The following KCNB2 variants were observed in gnomAD, a reference collection of about 807,000 sequenced individuals.
KCNB2 encodes potassium voltage-gated channel subfamily B member 2, also known as delayed rectifier potassium channel protein.
Under a neutral mutation model 61.5 loss-of-function variants are expected in KCNB2, and 15 were observed. That is an observed-to-expected ratio of 0.24 (90% CI 0.16 to 0.38). KCNB2 has a LOEUF of 0.38. KCNB2 is among the 10% of genes least tolerant of loss of function. KCNB2 has a pLI of 1.00. For synonymous variants in KCNB2, 457 were observed against 446.0 expected (o/e 1.02, Z -0.31); for missense variants, 828 against 1,125.2 (o/e 0.74, Z 3.78).
chr8:72,682,918 T>TAGG (rs1314343262), intron 2 of KCNB2, among the ~76,000 whole-genome samples: 2 of 152,206 alleles, frequency 1.3e-5, no homozygotes, highest in Non-Finnish European at 2.9e-5. Context: ...AAGGTTGAAT[T>TAGG]CTAATTGTCA....
chr8:72,865,864 C>T (rs1314275428), intron 2 of KCNB2, among the ~76,000 whole-genome samples: 1 of 152,164 alleles, frequency 6.6e-6, no homozygotes, highest in Admixed American at 6.6e-5. Context: ...TGTCCCTTTC[C>T]TTTTGGTGTT....
chr8:72,781,476 T>C (rs1244399630), intron 2 of KCNB2, among the ~76,000 whole-genome samples: 1 of 152,226 alleles, frequency 6.6e-6, no homozygotes, highest in Non-Finnish European at 1.5e-5. Flanking sequence ...TAGGGAATCC[T>C]TTCCACATTG....
intron 2 of KCNB2, among the ~76,000 whole-genome samples, chr8:72,626,315 G>C (rs1805789248): frequency 6.6e-6 from 1 of 152,200 alleles, no homozygotes; most frequent in Non-Finnish European, 1.5e-5. Flanking sequence ...GGGGGACCAG[G>C]AGCCTGTACT....
intron 2 of KCNB2, among the ~76,000 whole-genome samples, chr8:72,647,900 C>A (rs1806155405): frequency 6.6e-6 from 1 of 152,124 alleles, no homozygotes; most frequent in Non-Finnish European, 1.5e-5. Context: ...GAAAGGCACT[C>A]TGAAGGTTTG....
chr8:72,873,795 A>T (rs1263664177), intron 2 of KCNB2, among the ~76,000 whole-genome samples: 1 of 152,256 alleles, frequency 6.6e-6, no homozygotes, highest in African/African-American at 2.4e-5. Context: ...GGTAATTCAC[A>T]TCTTCTGCTA....
intron 2 of KCNB2, among the ~76,000 whole-genome samples, chr8:72,718,000 A>G (rs1391048837): frequency 2.0e-5 from 3 of 151,802 alleles, no homozygotes; most frequent in Non-Finnish European, 2.9e-5. Context: ...AAAAGTGGGC[A>G]AAGGATATGA....
chr8:72,922,742 C>G (rs1393323350), intron 2 of KCNB2, among the ~76,000 whole-genome samples: 1 of 152,144 alleles, frequency 6.6e-6, no homozygotes, highest in Non-Finnish European at 1.5e-5. Flanking sequence ...CATAAGCATT[C>G]AGACCATTAC....
intron 2 of KCNB2, among the ~76,000 whole-genome samples, chr8:72,679,347 T>C (rs1286637572): frequency 6.6e-6 from 1 of 152,216 alleles, no homozygotes; most frequent in Non-Finnish European, 1.5e-5. Flanking sequence ...CTTTCATGTT[T>C]ATTAACGGGA....
intron 2 of KCNB2, among the ~76,000 whole-genome samples, chr8:72,775,724 T>TAAA (rs59529067): frequency 2.1e-5 from 3 of 145,724 alleles, no homozygotes; most frequent in African/African-American, 5.1e-5. Flanking sequence ...GAATGAGCTT[T>TAAA]AAAAAAAAAA....
intron 2 of KCNB2, among the ~76,000 whole-genome samples, chr8:72,666,960 T>A (rs1428547868): frequency 6.6e-6 from 1 of 151,824 alleles, no homozygotes; most frequent in Non-Finnish European, 1.5e-5. Flanking sequence ...GAGCAGGATG[T>A]TCAGATTCTG....
chr8:72,803,033 A>G (rs572393183), intron 2 of KCNB2, among the ~76,000 whole-genome samples: 7 of 152,338 alleles, frequency 4.6e-5, no homozygotes, highest in African/African-American at 1.7e-4. Flanking sequence ...CGACCTAGAA[A>G]AATGATCGCC....
chr8:72,669,831 C>G lies in KCNB2; in HGVS notation c.579+101518C>G, dbSNP rs188447351. Among the ~76,000 whole-genome samples the G allele has an allele frequency of 2.0e-5, 3 of 152,226 alleles. No homozygotes were observed. The East Asian group carries it at 5.8e-4, about 29-fold the overall frequency. Reference sequence around the variant, plus strand: ...ACCTAGGACTACCCCATGCCAGCCTCGTTGCCTACTTTTTCCAGCCCTCAT... The same window carrying G: ...ACCTAGGACTACCCCATGCCAGCCTGGTTGCCTACTTTTTCCAGCCCTCAT... On this transcript the variant is annotated intron_variant, in intron 2 of 2. Transcript: ENST00000523207.
chr8:72,673,035 C>G (rs974602052), intron 2 of KCNB2, among the ~76,000 whole-genome samples: 14 of 152,194 alleles, frequency 9.2e-5, no homozygotes, highest in African/African-American at 3.1e-4. Context: ...CCAGCAATCT[C>G]ACCTCTGGGT....
intron 2 of KCNB2, among the ~76,000 whole-genome samples, chr8:72,699,787 C>T (rs73309808): frequency 1.6e-3 from 236 of 152,008 alleles, no homozygotes; most frequent in African/African-American, 3.4e-3. Flanking sequence ...CAATTTGTGG[C>T]GATTCCTCAA....
chr8:72,606,823 A>G (rs551611760), intron 2 of KCNB2, among the ~76,000 whole-genome samples: 9 of 152,316 alleles, frequency 5.9e-5, no homozygotes, highest in African/African-American at 2.2e-4. Context: ...GTAAAAGTTA[A>G]GGCAGAAAAG....
intron 2 of KCNB2, among the ~76,000 whole-genome samples, chr8:72,920,795 A>G (rs1336310900): frequency 6.6e-6 from 1 of 152,104 alleles, no homozygotes; most frequent in African/African-American, 2.4e-5. Flanking sequence ...CTTATATCCT[A>G]GGAAATATTA....
At chr8:72,847,974 A>G (rs1810027365) in intron 2 of KCNB2, among the ~76,000 whole-genome samples, 1 of 152,088 alleles carries the variant, frequency 6.6e-6, no homozygotes. Context: ...CTCCCCCTAA[A>G]CACTCATTCT....
intron 2 of KCNB2, among the ~76,000 whole-genome samples, chr8:72,885,634 A>G (rs991147154): frequency 6.6e-6 from 1 of 152,176 alleles, no homozygotes; most frequent in African/African-American, 2.4e-5. Flanking sequence ...CTACAGTATT[A>G]GTAGTTATAT....
At chr8:72,868,217 T>A (rs565970844) in intron 2 of KCNB2, among the ~76,000 whole-genome samples, 7 of 150,678 alleles carry the variant, frequency 4.6e-5, no homozygotes, top group African/African-American at 1.7e-4. Context: ...ATTACAGACA[T>A]AAGCCACTGC....
Sources: allele counts gnomAD v4.1 joint callset (sites outside exome capture counted in the v4.1 genomes callset), GRCh38; gene constraint gnomAD v4.1.1; transcripts MANE v1.5; gene names NCBI Gene and HGNC (gene_info 2026-07-23, HGNC 2026-07-21).